LINGO2: variants seen among roughly 807,000 people sequenced by gnomAD.
LINGO2 encodes leucine rich repeat and Ig domain containing 2, also known as leucine-rich repeat and immunoglobulin-like domain-containing nogo receptor-interacting protein 2.
A neutral mutation model predicts 30.6 loss-of-function variants in LINGO2; 14 were observed. That is an observed-to-expected ratio of 0.46 (90% confidence interval 0.30 to 0.72). The LOEUF (loss-of-function observed/expected upper bound fraction) is 0.72, where lower values mean the gene tolerates loss of function less well. LINGO2 is among the 30% of genes least tolerant of loss of function. The probability of loss-of-function intolerance (pLI) is 0.07; values close to 1 mark genes in which losing one functional copy is unlikely to be tolerated. For missense variants in LINGO2, 729 were observed against 751.7 expected, an observed-to-expected ratio of 0.97 and a Z score of 0.35; for synonymous variants, 317 against 288.5, an observed-to-expected ratio of 1.10 and a Z score of -1.00.
Position 28,433,537 on chromosome 9 carries a change from A to G in LINGO2, c.-279+42403T>C, listed in dbSNP as rs1019680769. Among the ~76,000 whole-genome samples the G allele has an allele frequency of 2.6e-5, 4 of 152,134 alleles. No individual in the cohort carries two copies. The South Asian group carries it at 8.3e-4, about 31-fold the overall frequency. On this transcript the variant is annotated intron_variant, in intron 2 of 5. Coordinates refer to ENST00000379992, the Ensembl canonical transcript of LINGO2. The stretch of plus-strand genomic sequence containing the variant: ...GATTTAAGACATATTTCTGAAAGCA[A>G]ATAAAGAAATCTTCATTAAAATCTG...
At chr9:28,825,358 T>C in the LINGO2 span, among the ~76,000 whole-genome samples, 1 of 150,254 alleles carries the variant, frequency 6.7e-6, no homozygotes, top group African/African-American at 2.5e-5. Context: ...AGAAACAGAG[T>C]GGTAATTGGA....
chr9:28,927,656 G>A, the LINGO2 span, among the ~76,000 whole-genome samples: 2 of 152,124 alleles, frequency 1.3e-5, no homozygotes, highest in African/African-American at 4.8e-5. Context: ...GTAATACACT[G>A]GATAAATATT....
the LINGO2 span, among the ~76,000 whole-genome samples, chr9:29,195,867 C>T: frequency 6.6e-6 from 1 of 152,074 alleles, no homozygotes; most frequent in African/African-American, 2.4e-5. Context: ...TTTACCTCAA[C>T]AGACACTTAT....
chr9:28,397,543 CTTTTTTTTTTT>C (rs386414751), intron 2 of LINGO2, among the ~76,000 whole-genome samples: 1 of 110,004 alleles, frequency 9.1e-6, no homozygotes, highest in South Asian at 3.4e-4. Flanking sequence ...CAATAGATGT[CTTTTTTTTTTT>C]TTTTTTTTTT....
At chr9:29,091,305 G>A in the LINGO2 span, among the ~76,000 whole-genome samples, 2 of 151,944 alleles carry the variant, frequency 1.3e-5, no homozygotes, top group Non-Finnish European at 2.9e-5. Flanking sequence ...TGGAAACACT[G>A]AATCTCCCCA....
rs375092236 is a variant in LINGO2 at position 28,637,056 on chromosome 9, C to T, written c.-365+33144G>A. On this transcript the variant is annotated intron_variant, in intron 1 of 5. Transcript: ENST00000379992. ...TCTACATATGGCTAGCCAGTTTTCC[C>T]AGCACCATTTATTAAATAGGCAATC... 1.7e-4 allele frequency among the ~76,000 whole-genome samples: 26 copies of T among 152,244 alleles called. No homozygotes were observed. The East Asian group carries it at 3.1e-3, about 18-fold the overall frequency.
At chr9:28,856,862 A>G in the LINGO2 span, among the ~76,000 whole-genome samples, 1 of 152,062 alleles carries the variant, frequency 6.6e-6, no homozygotes, top group South Asian at 2.1e-4. Context: ...AACTGATGAT[A>G]GTAGAAATAC....
the LINGO2 span, among the ~76,000 whole-genome samples, chr9:28,848,397 G>GTGTGTGTATATA: frequency 4.1e-5 from 2 of 48,418 alleles, no homozygotes; most frequent in Non-Finnish European, 7.8e-5. Flanking sequence ...GTGTGTGTGT[G>GTGTGTGTATATA]TATATATATA....
At chr9:28,254,650 T>C (rs117002102) in intron 4 of LINGO2, among the ~76,000 whole-genome samples, 1,869 of 152,198 alleles carry the variant, frequency 0.012, 5 homozygotes, top group Non-Finnish European at 0.02. Flanking sequence ...AAAGGTGCCA[T>C]AACATCTGTC....
At chr9:28,658,945 T>C (rs1447834172) in intron 1 of LINGO2, among the ~76,000 whole-genome samples, 1 of 152,132 alleles carries the variant, frequency 6.6e-6, no homozygotes, top group Non-Finnish European at 1.5e-5. Flanking sequence ...TCCCTAAATG[T>C]TTCATAAAGA....
At chr9:28,136,641 T>G (rs1827525588) in intron 4 of LINGO2, among the ~76,000 whole-genome samples, 1 of 152,182 alleles carries the variant, frequency 6.6e-6, no homozygotes, top group Admixed American at 6.5e-5. Flanking sequence ...TCTTAAAACC[T>G]TCATCAATGT....
At chr9:28,921,487 T>G in the LINGO2 span, among the ~76,000 whole-genome samples, 110 of 152,288 alleles carry the variant, frequency 7.2e-4, no homozygotes, top group African/African-American at 2.5e-3. Flanking sequence ...CAAAACTACT[T>G]GATTAGAAAA....
intron 3 of LINGO2, among the ~76,000 whole-genome samples, chr9:28,346,428 C>G (rs1047525585): frequency 6.6e-6 from 1 of 152,084 alleles, no homozygotes; most frequent in Non-Finnish European, 1.5e-5. Flanking sequence ...TTTCTTTATC[C>G]AGTCTATTAT....
chr9:28,470,059 T>C (rs1825461698), intron 2 of LINGO2, among the ~76,000 whole-genome samples: 1 of 152,108 alleles, frequency 6.6e-6, no homozygotes, highest in African/African-American at 2.4e-5. Context: ...TAGACGTAAT[T>C]TGTGAAATCA....
chr9:29,146,477 A>C, the LINGO2 span, among the ~76,000 whole-genome samples: 1 of 152,220 alleles, frequency 6.6e-6, no homozygotes, highest in African/African-American at 2.4e-5. Flanking sequence ...GCACCAACCT[A>C]ATATTAACAT....
the LINGO2 span, among the ~76,000 whole-genome samples, chr9:28,687,928 G>A: frequency 2.6e-5 from 4 of 152,212 alleles, no homozygotes; most frequent in East Asian, 3.9e-4. Flanking sequence ...TCCAGGTTAT[G>A]AGCAAAGACT....
At chr9:29,149,945 T>C in the LINGO2 span, among the ~76,000 whole-genome samples, 6 of 152,198 alleles carry the variant, frequency 3.9e-5, no homozygotes, top group East Asian at 7.7e-4. Flanking sequence ...AGCCACTGTC[T>C]GACCGCTCCC....
At chr9:29,100,594 CAAA>C in the LINGO2 span, among the ~76,000 whole-genome samples, 1 of 129,914 alleles carries the variant, frequency 7.7e-6, no homozygotes, top group African/African-American at 2.8e-5. Flanking sequence ...ACTCTTATCT[CAAA>C]AAAAAAAAGC....
At chr9:28,496,097 G>T (rs1050521307) in intron 1 of LINGO2, among the ~76,000 whole-genome samples, 1 of 151,408 alleles carries the variant, frequency 6.6e-6, no homozygotes, top group African/African-American at 2.4e-5. Flanking sequence ...GTCAATTTTG[G>T]AATAAGTGTG....
Sources: gnomAD v4.1 joint callset for allele counts (sites outside exome capture counted in the v4.1 genomes callset) on GRCh38, gnomAD v4.1.1 for gene constraint, MANE v1.5 for transcripts, NCBI Gene and HGNC (gene_info 2026-07-23, HGNC 2026-07-21) for gene names.